The following INSL6 variants were observed in gnomAD, a reference collection of about 807,000 sequenced individuals.
INSL6 encodes the protein insulin like 6, also known as insulin-like peptide INSL6.
A neutral mutation model predicts 9.4 loss-of-function variants in INSL6; 16 were observed. The ratio of observed to expected loss-of-function variants is 1.70; its 90% confidence interval spans 1.15 to 2.59. The LOEUF (loss-of-function observed/expected upper bound fraction) is 2.59. INSL6 is among the 30% of genes most tolerant of loss of function. The pLI is 0.00. For missense variants in INSL6, 391 were observed against 257.3 expected, an observed-to-expected ratio of 1.52 and a Z score of -3.56; for synonymous variants, 154 against 96.9, an observed-to-expected ratio of 1.59 and a Z score of -3.46.
intron 3 of INSL6, chr9:5,132,861 C>A (rs1158294965): frequency 1.3e-5 from 2 of 152,172 alleles, no homozygotes; most frequent in African/African-American, 4.8e-5. Context: ...AACATTCAGA[C>A]AAAATTAGAA....
At chr9:5,081,259 A>AT in the INSL6 span, among the ~76,000 whole-genome samples, 74,665 of 149,726 alleles carry the variant, frequency 0.5, 18,596 homozygotes, top group African/African-American at 0.51. Context: ...AAATTATAGT[A>AT]TTTTTTTTTT....
the INSL6 span, chr9:5,099,645 G>A: frequency 3.3e-5 from 5 of 152,136 alleles, no homozygotes; most frequent in African/African-American, 9.7e-5. Context: ...GTTTCCCACT[G>A]TTTCCAACCT....
intron 2 of INSL6, among the ~76,000 whole-genome samples, chr9:5,151,176 C>G (rs1397509056): frequency 6.6e-6 from 1 of 152,034 alleles, no homozygotes; most frequent in East Asian, 1.9e-4. Flanking sequence ...GCCCAGACTT[C>G]ACCACTATGC....
the INSL6 span, among the ~76,000 whole-genome samples, chr9:5,026,138 C>G: frequency 2.0e-5 from 3 of 152,070 alleles, no homozygotes; most frequent in Non-Finnish European, 4.4e-5. Context: ...CTATTGTCTT[C>G]TACTATATTG....
rs145217075 is a variant in INSL6 at position 5,126,433 on chromosome 9, G to C, written c.*11-1922C>G. ...AATGGAAGATTACCAAGACCAGATG[G>C]ATGCCCAGATGAGGTAACAATTTTT... On this transcript the variant is annotated intron_variant, in intron 3 of 3. Coordinates refer to the INSL6 transcript ENST00000649639. 17 of 1,602,410 alleles carry C rather than the reference G, an allele frequency of 1.1e-5. No individual in the cohort carries two copies. In the South Asian group the frequency reaches 1.4e-4, roughly 14 times the overall value.
At chr9:5,164,298 A>G (rs1175724503) in intron 1 of INSL6, 33 bp from the exon 2 acceptor site, 1 of 1,370,764 alleles carries the variant, frequency 7.3e-7, no homozygotes, top group Non-Finnish European at 1.0e-6. Context: ...ATGCTCCTTT[A>G]TTAAAATCTT....
the INSL6 span, among the ~76,000 whole-genome samples, chr9:5,081,051 A>G: frequency 2.0e-5 from 3 of 151,334 alleles, no homozygotes; most frequent in Non-Finnish European, 4.4e-5. Context: ...GCCCGCCACC[A>G]CACCCGGCTA....
At chr9:5,135,276 C>T (rs779009695) in intron 2 of INSL6, among the ~76,000 whole-genome samples, 2 of 152,044 alleles carry the variant, frequency 1.3e-5, no homozygotes, top group African/African-American at 2.4e-5. Context: ...AACAGATCAA[C>T]GAGACAGAAA....
chr9:5,121,718 GAACA>G (rs1430843809), downstream of INSL6, among the ~76,000 whole-genome samples: 2 of 152,156 alleles, frequency 1.3e-5, no homozygotes. Context: ...AATGCTCTAA[GAACA>G]AAGAAGGAGG....
At chr9:5,018,242 T>G in the INSL6 span, among the ~76,000 whole-genome samples, 1 of 152,234 alleles carries the variant, frequency 6.6e-6, no homozygotes, top group Non-Finnish European at 1.5e-5. Context: ...TTTGAATCCT[T>G]TCTTGTCTGT....
the INSL6 span, chr9:5,054,894 AATG>A: frequency 6.5e-7 from 1 of 1,540,530 alleles, no homozygotes; most frequent in Non-Finnish European, 8.8e-7. This position sits in a 1 kb window ranked among gnomAD's most constrained non-coding sequence, Gnocchi z 4.9. Flanking sequence ...GGTAATCCTT[AATG>A]ATATGTTCTT....
chr9:5,078,336 T>G, the INSL6 span: 1 of 1,612,656 alleles, frequency 6.2e-7, no homozygotes, highest in Non-Finnish European at 8.5e-7. Flanking sequence ...TGGGAATGTA[T>G]GTGCCAAAAA....
chr9:5,154,183 T>C (rs1287612457), intron 2 of INSL6, among the ~76,000 whole-genome samples: 2 of 152,168 alleles, frequency 1.3e-5, no homozygotes, highest in East Asian at 1.9e-4. Flanking sequence ...TCTACAACCA[T>C]CTGATCTTTG....
chr9:5,069,272 T>A, the INSL6 span: 1 of 1,039,714 alleles, frequency 9.6e-7, no homozygotes, highest in Non-Finnish European at 1.4e-6. Context: ...GCGTGAAGTA[T>A]CTTCAGTACA....
chr9:5,150,734 A>AAAAG (rs1824694103), intron 2 of INSL6, among the ~76,000 whole-genome samples: 2 of 152,102 alleles, frequency 1.3e-5, no homozygotes, highest in African/African-American at 2.4e-5. Context: ...ACCTAAAGGA[A>AAAAG]ATCATTATAG....
chr9:5,094,061 A>T, the INSL6 span: 1 of 152,150 alleles, frequency 6.6e-6, no homozygotes, highest in African/African-American at 2.4e-5. Context: ...TAAAACGTAA[A>T]ACTTTACAAT....
At chr9:5,090,690 A>ATTGT in the INSL6 span, 3 of 1,544,738 alleles carry the variant, frequency 1.9e-6, no homozygotes, top group South Asian at 2.5e-5. Flanking sequence ...GACCATTTAA[A>ATTGT]TTGTTTATAT....
the INSL6 span, among the ~76,000 whole-genome samples, chr9:5,012,152 T>C: frequency 6.6e-6 from 1 of 152,322 alleles, no homozygotes; most frequent in East Asian, 1.9e-4. Flanking sequence ...CATTCTCTGA[T>C]ACTTTCACCC....
At chr9:5,095,565 A>T in the INSL6 span, among the ~76,000 whole-genome samples, 1 of 152,138 alleles carries the variant, frequency 6.6e-6, no homozygotes, top group Non-Finnish European at 1.5e-5. Context: ...TTCACTTCCG[A>T]GTCCCAGAAG....
Sources: allele counts gnomAD v4.1 joint callset (sites outside exome capture counted in the v4.1 genomes callset), GRCh38; gene constraint gnomAD v4.1.1; non-coding constraint Gnocchi (gnomAD v3.1); transcripts MANE v1.5; gene names NCBI Gene and HGNC (gene_info 2026-07-23, HGNC 2026-07-21).